Variants in UBE4B observed in about 807,000 individuals in gnomAD.
The protein encoded by UBE4B is ubiquitination factor E4B, also known as ubiquitin conjugation factor E4 B.
A neutral mutation model predicts 148.1 loss-of-function variants in UBE4B; 27 were observed. The ratio of observed to expected loss-of-function variants is 0.18; its 90% CI spans 0.13 to 0.25. The LOEUF (loss-of-function observed/expected upper bound fraction) is 0.25, where lower values mean the gene tolerates loss of function less well. UBE4B is among the 10% of genes least tolerant of loss of function. UBE4B has a pLI of 1.00. For missense variants in UBE4B, 1,170 were observed against 1,662.4 expected (o/e 0.70, Z 5.15); for synonymous variants, 596 against 619.3 (o/e 0.96, Z 0.56).
At chr1:10,063,449 A>C (rs918962059) in intron 1 of UBE4B, among the ~76,000 whole-genome samples, 1 of 152,196 alleles carries the variant, frequency 6.6e-6, no homozygotes, top group African/African-American at 2.4e-5. Context: ...AATCTAGATT[A>C]TTCTTCTTCC....
At position 10,095,485 on chromosome 1, in the gene UBE4B, G is replaced by A; in HGVS notation, c.236G>A (p.Ser79Asn). The A allele has an allele frequency of 6.2e-7, 1 of 1,614,178 alleles. No individual in the cohort carries two copies. The highest frequency in any genetic ancestry group is 8.5e-7 in the Non-Finnish European group (1 of 1,180,038). ...ASGVAHRSQS[S>N]EGVSSLSSSP... ...GGAGTAGCCCATCGAAGCCAGAGCA[G>A]TGAAGGAGTCAGTTCTCTCAGCAGC... is the stretch of plus-strand genomic sequence containing the variant. The change falls in exon 3 of 28, where the codon AGT becomes AAT. Residue 79 changes from serine to asparagine, a missense_variant. Physicochemically the swap from Ser to Asn is conservative, Grantham distance 46. Coordinates refer to ENST00000343090, the MANE Select transcript of UBE4B (RefSeq NM_001105562.3).
Position 10,036,433 on chromosome 1 carries a change from A to G in UBE4B, c.24+2739A>G, listed in dbSNP as rs183986145. Reference sequence around the variant, plus strand: ...GTCCAGAACACAAAGGGCTGGTTCAATAACTGTTAATTTTACTCTCAGCAG... The same window carrying G: ...GTCCAGAACACAAAGGGCTGGTTCAGTAACTGTTAATTTTACTCTCAGCAG... On this transcript the variant is annotated intron_variant, in intron 1 of 27. Transcript: ENST00000343090. Among the ~76,000 whole-genome samples the G allele has an allele frequency of 8.9e-4, 136 of 152,304 alleles. 2 individuals are homozygous for G. In the South Asian group the frequency reaches 0.027, roughly 30 times the overall value.
Position 10,168,220 on chromosome 1 carries a change from G to T in UBE4B, c.3283G>T (p.Asp1095Tyr). ...CCTCGCCCTGGCCACCGAAACCGTGGACATGTTCCACATCCTCACGAAGCA... is the reference window on the plus strand; with the variant it reads ...CCTCGCCCTGGCCACCGAAACCGTGTACATGTTCCACATCCTCACGAAGCA... Reference protein sequence around the residue: ...SYLALATETVDMFHILTKQVQ... With the variant: ...SYLALATETVYMFHILTKQVQ... Residue 1095 changes from aspartate to tyrosine, a missense_variant, in exon 24 of 28, where the codon GAC becomes TAC. Around this residue, in one of 6 missense-constraint regions of UBE4B, gnomAD observed 348 missense variants for 627.2 expected, o/e 0.55. Transcript: ENST00000343090. The surrounding 1 kb of genome is among the most constrained non-coding windows in gnomAD (Gnocchi z 4.9). 6.2e-7 allele frequency: 1 copy of T among 1,614,152 alleles called. No homozygotes were observed. Among genetic ancestry groups the T allele is most frequent in the Non-Finnish European group, 8.5e-7 (1 of 1,180,036 alleles).
chr1:10,093,702 C>CT (rs1006488677), intron 2 of UBE4B, among the ~76,000 whole-genome samples: 46 of 143,824 alleles, frequency 3.2e-4, no homozygotes, highest in South Asian at 6.7e-4. Context: ...TTTTTTTTTT[C>CT]TTTTTTTTTT....
intron 7 of UBE4B, among the ~76,000 whole-genome samples, chr1:10,115,513 C>T (rs1055152309): frequency 5.9e-5 from 9 of 152,000 alleles, no homozygotes; most frequent in Non-Finnish European, 1.2e-4. Flanking sequence ...CTCAAGTGAT[C>T]CACCTACCTT....
In UBE4B at chr1:10,179,972, A is replaced by C. The variant is rs776242768; in HGVS notation, c.*16A>C. 1 of 1,613,890 alleles carries C rather than the reference A, an allele frequency of 6.2e-7. No individual in the cohort carries two copies. The highest frequency in any genetic ancestry group is 8.5e-7 in the Non-Finnish European group (1 of 1,179,988). On this transcript the variant is annotated 3_prime_UTR_variant, in exon 28 of 28. Transcript: ENST00000343090. ...CGATCACTAAACCGTTCCGCCGCCC[A>C]CCCTCTGCTAGACACAGCCAAGGCC...
chr1:10,033,652 C>G lies in UBE4B; in HGVS notation c.-19C>G, dbSNP rs1643389500. The G allele has an allele frequency of 2.6e-6, 4 of 1,562,122 alleles. No homozygotes were observed. The highest frequency in any genetic ancestry group is 3.5e-6 in the Non-Finnish European group (4 of 1,154,808). ...AGAAGGATCTCTCCTTAACGCCTTT[C>G]ACCATTAAGAGGAAAGCGATGGAGG... On this transcript the variant is annotated 5_prime_UTR_variant, in exon 1 of 28. Coordinates refer to ENST00000343090, the MANE Select transcript of UBE4B (RefSeq NM_001105562.3).
At chr1:10,167,020 T>C (rs1646261426) in intron 23 of UBE4B, among the ~76,000 whole-genome samples, 1 of 150,996 alleles carries the variant, frequency 6.6e-6, no homozygotes, top group Non-Finnish European at 1.5e-5. Context: ...TAATCCCAGC[T>C]ACTTGGGAGG....
intron 2 of UBE4B, among the ~76,000 whole-genome samples, chr1:10,086,977 G>A (rs536023757): frequency 9.9e-5 from 15 of 152,230 alleles, no homozygotes; most frequent in Non-Finnish European, 2.1e-4. Flanking sequence ...TGGCCTCCCC[G>A]TCTCTTTTTT....
In UBE4B at chr1:10,168,024, C is replaced by A; in HGVS notation, c.3199-112C>A. 1 of 1,312,768 alleles carries A rather than the reference C, an allele frequency of 7.6e-7. No homozygotes were observed. The allele number at this position is 1,312,768 out of a possible 1,614,324, so 81.3% of individuals were successfully genotyped here. A position where few individuals can be genotyped will look rare whatever the true frequency, so the allele number is the denominator to read the frequency against. On this transcript the variant is annotated intron_variant, in intron 23 of 27. Coordinates refer to ENST00000343090, the MANE Select transcript of UBE4B (RefSeq NM_001105562.3). This position sits in a 1 kb window ranked among gnomAD's most constrained non-coding sequence, Gnocchi z 4.9. ...TGGGACATGTGGCAGGCGGTTCTGT[C>A]ATTCCCTAAGCATGTTGGGTTTATC...
intron 3 of UBE4B, 92 bp from the exon 4 acceptor site, chr1:10,101,016 G>A: frequency 9.0e-6 from 10 of 1,108,512 alleles, no homozygotes; most frequent in South Asian, 1.4e-5. Context: ...CTGATTAACT[G>A]ATATTTTAAA....
At chr1:10,174,025 C>T (rs1415976096) in intron 25 of UBE4B, among the ~76,000 whole-genome samples, 1 of 152,176 alleles carries the variant, frequency 6.6e-6, no homozygotes, top group Non-Finnish European at 1.5e-5. Context: ...CCTTGAATGT[C>T]TAAATAGTCC....
chr1:10,117,556 G>A lies in UBE4B; in HGVS notation c.1294G>A (p.Glu432Lys), dbSNP rs1478451598. 6.2e-7 allele frequency: 1 copy of A among 1,609,156 alleles called. No individual in the cohort carries two copies. The highest frequency in any genetic ancestry group is 8.5e-7 in the Non-Finnish European group (1 of 1,178,546). ...KETDMLNYLI[E>K]CFDRVGIEEK... ...GACAGATATGCTGAACTACCTCATCGAGTGTTTCGACCGAGTTGGAATAGA... is the reference window on the plus strand; with the variant it reads ...GACAGATATGCTGAACTACCTCATCAAGTGTTTCGACCGAGTTGGAATAGA... The change falls in exon 8 of 28, where the codon GAG becomes AAG. Residue 432 changes from glutamate to lysine, a missense_variant. By Grantham distance (56) the Glu-to-Lys change is moderately conservative. Around this residue, in one of 6 missense-constraint regions of UBE4B, gnomAD observed 388 missense variants for 536.0 expected, o/e 0.72. Coordinates refer to ENST00000343090, the MANE Select transcript of UBE4B (RefSeq NM_001105562.3).
At chr1:10,053,783 G>C (rs1644103050) in intron 1 of UBE4B, among the ~76,000 whole-genome samples, 1 of 152,042 alleles carries the variant, frequency 6.6e-6, no homozygotes, top group East Asian at 1.9e-4. Context: ...TCGACCTTTC[G>C]GGCTCAAGTG....
chr1:10,130,495 C>T lies in UBE4B; in HGVS notation c.1696-5C>T. ...GCTTGACTGGCTCTTCCATCTTCTG[C>T]CTAGGTTGCTTCTTTGCGGTTGTGG... On this transcript the variant is annotated splice_region_variant and splice_polypyrimidine_tract_variant and intron_variant, in intron 12 of 27. Coordinates refer to ENST00000343090, the MANE Select transcript of UBE4B (RefSeq NM_001105562.3). 1 of 1,613,626 alleles carries T rather than the reference C, an allele frequency of 6.2e-7. No homozygotes were observed. Among genetic ancestry groups the T allele is most frequent in the Non-Finnish European group, 8.5e-7 (1 of 1,179,830 alleles).
At chr1:10,099,246 A>C (rs182577068) in intron 3 of UBE4B, among the ~76,000 whole-genome samples, 1 of 152,218 alleles carries the variant, frequency 6.6e-6, no homozygotes, top group Non-Finnish European at 1.5e-5. Flanking sequence ...TGTCTAAAAA[A>C]GAAAAAATTA....
Position 10,072,159 on chromosome 1 carries a change from T to G in UBE4B, c.156T>G (p.Ser52Arg). The change falls in exon 2 of 28, where the codon AGT becomes AGG. Residue 52 changes from serine to arginine, a missense_variant. Around this residue, in one of 6 missense-constraint regions of UBE4B, gnomAD observed 127 missense variants for 153.2 expected, o/e 0.83. Transcript: ENST00000343090. The part of the protein sequence containing the change: ...IAASAPGPSQ[S>R]LGLNVHNMTP... ...CATCAGCCCCAGGACCCTCTCAGAGTCTTGGTCTCAATGTCCACAACATGA... is the reference window on the plus strand; with the variant it reads ...CATCAGCCCCAGGACCCTCTCAGAGGCTTGGTCTCAATGTCCACAACATGA... The G allele has an allele frequency of 6.2e-7, 1 of 1,613,746 alleles. No homozygotes were observed. Among genetic ancestry groups the G allele is most frequent in the Non-Finnish European group, 8.5e-7 (1 of 1,179,888 alleles).
At chr1:10,054,511 C>A in intron 1 of UBE4B, 1 of 392,658 alleles carries the variant, frequency 2.5e-6, no homozygotes, top group Non-Finnish European at 4.9e-6. Flanking sequence ...ACACAGTGTG[C>A]TTCTCTGGTA....
chr1:10,095,985 G>A (rs1644923021), intron 3 of UBE4B, among the ~76,000 whole-genome samples: 1 of 152,096 alleles, frequency 6.6e-6, no homozygotes, highest in Non-Finnish European at 1.5e-5. Flanking sequence ...TGGCCAGGCT[G>A]GTCTCAAACT....
Sources: allele counts gnomAD v4.1 joint callset (sites outside exome capture counted in the v4.1 genomes callset), GRCh38; gene constraint gnomAD v4.1.1; regional missense constraint gnomAD v4.1.1; non-coding constraint Gnocchi (gnomAD v3.1); transcripts MANE v1.5; gene names NCBI Gene and HGNC (gene_info 2026-07-23, HGNC 2026-07-21).